The following MSH3 variants were observed in gnomAD, a reference collection of about 807,000 sequenced individuals.
MSH3 encodes the protein DNA mismatch repair protein Msh3.
A neutral mutation model predicts 123.3 loss-of-function variants in MSH3; 106 were observed. The ratio of observed to expected loss-of-function variants is 0.86; its 90% confidence interval spans 0.73 to 1.01. The LOEUF (loss-of-function observed/expected upper bound fraction) is 1.01, where lower values mean the gene tolerates loss of function less well. MSH3 is among the 50% of genes least tolerant of loss of function. The probability of loss-of-function intolerance (pLI) is 0.00; values close to 1 mark genes in which losing one functional copy is unlikely to be tolerated. For missense variants in MSH3, 1,459 were observed against 1,347.6 expected (o/e 1.08, Z -1.29); for synonymous variants, 515 against 481.4 (o/e 1.07, Z -0.91).
At chr5:80,751,811 A>T (rs1696938272) in intron 12 of MSH3, among the ~76,000 whole-genome samples, 1 of 152,172 alleles carries the variant, frequency 6.6e-6, no homozygotes. Flanking sequence ...TTAGGGGTAC[A>T]CAATTCAACC....
At chr5:80,668,131 C>G (rs1749612066) in intron 3 of MSH3, among the ~76,000 whole-genome samples, 1 of 152,100 alleles carries the variant, frequency 6.6e-6, no homozygotes, top group South Asian at 2.1e-4. Context: ...CGAGAGGGGA[C>G]CCTGGAGTGG....
At chr5:80,725,804 C>A (rs562343767) in intron 9 of MSH3, among the ~76,000 whole-genome samples, 1 of 152,116 alleles carries the variant, frequency 6.6e-6, no homozygotes, top group African/African-American at 2.4e-5. Context: ...GAGCTATTAT[C>A]ATGCCATTGC....
chr5:80,749,155 C>T (rs1743781067), intron 12 of MSH3, among the ~76,000 whole-genome samples: 1 of 152,104 alleles, frequency 6.6e-6, no homozygotes, highest in African/African-American at 2.4e-5. Flanking sequence ...CTTACATGAT[C>T]ACAAGGTGAA....
intron 20 of MSH3, among the ~76,000 whole-genome samples, chr5:80,846,174 G>T (rs1444791344): frequency 1.3e-5 from 2 of 152,132 alleles, no homozygotes; most frequent in East Asian, 1.9e-4. Flanking sequence ...CTGCAGGTCT[G>T]TTGGGGTTTG....
At chr5:80,864,660 TTATC>T (rs1423185190) in intron 21 of MSH3, among the ~76,000 whole-genome samples, 149 bp from the exon 22 acceptor site, 4 of 152,214 alleles carry the variant, frequency 2.6e-5, no homozygotes, top group African/African-American at 7.2e-5. Context: ...TAACAATTGA[TTATC>T]TAGGTAAACA....
intron 13 of MSH3, among the ~76,000 whole-genome samples, chr5:80,764,886 A>G (rs1052258330): frequency 2.0e-5 from 3 of 152,140 alleles, no homozygotes; most frequent in African/African-American, 7.2e-5. Flanking sequence ...GCTAAGCAGG[A>G]ATAAGCCCAC....
At chr5:80,779,611 C>G (rs191941277) in intron 17 of MSH3, among the ~76,000 whole-genome samples, 1 of 145,686 alleles carries the variant, frequency 6.9e-6, no homozygotes, top group African/African-American at 2.6e-5. Flanking sequence ...AGTGCAGTGG[C>G]GCAATCTTGG....
chr5:80,780,628 A>G (rs1744393492), intron 17 of MSH3, among the ~76,000 whole-genome samples: 1 of 152,198 alleles, frequency 6.6e-6, no homozygotes. Flanking sequence ...GCAGTTTGGG[A>G]GGCTGAGGTG....
At chr5:80,868,587 C>T (rs1009586145) in intron 22 of MSH3, among the ~76,000 whole-genome samples, 5 of 137,606 alleles carry the variant, frequency 3.6e-5, no homozygotes, top group African/African-American at 5.5e-5. Flanking sequence ...GGAGACATAG[C>T]GGGGAACAAC....
intron 20 of MSH3, among the ~76,000 whole-genome samples, chr5:80,816,625 A>AC (rs1430017145): frequency 5.9e-5 from 9 of 152,334 alleles, no homozygotes; most frequent in African/African-American, 2.2e-4. Context: ...GATCAGAGGA[A>AC]CCCAAAGAGC....
At chr5:80,728,025 T>C (rs1451377501) in intron 9 of MSH3, among the ~76,000 whole-genome samples, 1 of 152,152 alleles carries the variant, frequency 6.6e-6, no homozygotes, top group Admixed American at 6.5e-5. Context: ...GAATAGCAAG[T>C]AGTCTGTGTG....
At chr5:80,746,540 G>A (rs1349685611) in intron 12 of MSH3, 2 of 444,978 alleles carry the variant, frequency 4.5e-6, no homozygotes, top group East Asian at 1.3e-4. Flanking sequence ...AGTATTCCTT[G>A]ATCGACTTTC....
intron 9 of MSH3, among the ~76,000 whole-genome samples, chr5:80,728,282 T>C (rs1204958853): frequency 1.3e-5 from 2 of 152,246 alleles, no homozygotes; most frequent in African/African-American, 4.8e-5. Context: ...TGGAAAGCTG[T>C]TGCAGTGTTT....
At chr5:80,875,271 C>CTT (rs969898074) in intron 23 of MSH3, among the ~76,000 whole-genome samples, 5 of 151,952 alleles carry the variant, frequency 3.3e-5, no homozygotes. Flanking sequence ...CTCAGGTACT[C>CTT]TAGCTCCATA....
intron 8 of MSH3, among the ~76,000 whole-genome samples, chr5:80,725,073 G>A (rs571667481): frequency 4.6e-5 from 7 of 151,938 alleles, no homozygotes; most frequent in Admixed American, 1.3e-4. Flanking sequence ...AATTAGCTGG[G>A]CGTGATGGCG....
chr5:80,832,106 T>C (rs1386868928), intron 20 of MSH3, among the ~76,000 whole-genome samples: 8 of 143,440 alleles, frequency 5.6e-5, no homozygotes, highest in African/African-American at 2.2e-4. Context: ...CGAGACTCCT[T>C]CTCAAAAAAC....
rs1440624217 is a variant in MSH3, at chr5:80,775,759, G to A, written c.2318+1G>A. 6.3e-7 allele frequency: 1 copy of A among 1,575,620 alleles called. No homozygotes were observed. The highest frequency in any genetic ancestry group is 1.1e-5 in the South Asian group (1 of 90,212). Reference sequence around the variant, plus strand: ...CAACTGATTGGGTAAAGGTTGGAAGGTAGGTTTAAAATAAATTTTTTTCTT... The same window carrying A: ...CAACTGATTGGGTAAAGGTTGGAAGATAGGTTTAAAATAAATTTTTTTCTT... On this transcript the variant is annotated splice_donor_variant, in intron 16 of 23. Transcript: ENST00000265081. LOFTEE classifies it high-confidence loss of function.
intron 8 of MSH3, among the ~76,000 whole-genome samples, chr5:80,723,387 A>G (rs1449456890): frequency 6.6e-6 from 1 of 152,212 alleles, no homozygotes; most frequent in African/African-American, 2.4e-5. Context: ...AAGTAACATT[A>G]TAAATCATCA....
At position 80,681,065 on chromosome 5, in the gene MSH3, A is replaced by G. The variant is rs187702458; in HGVS notation, c.1340+1972A>G. Among the ~76,000 whole-genome samples the G allele has an allele frequency of 2.9e-3, 449 of 152,238 alleles. 3 individuals carry two copies. The highest frequency in any genetic ancestry group is 9.8e-3 in the African/African-American group (409 of 41,552). ...TTGCTAGAAATGGTAATATCAATTT[A>G]TACTTCTACCAGTATAGTCTAGGAG... On this transcript the variant is annotated intron_variant, in intron 8 of 23. Coordinates refer to ENST00000265081, the MANE Select transcript of MSH3 (RefSeq NM_002439.5).
Sources: allele counts gnomAD v4.1 joint callset (sites outside exome capture counted in the v4.1 genomes callset), GRCh38; gene constraint gnomAD v4.1.1; transcripts MANE v1.5; gene names NCBI Gene and HGNC (gene_info 2026-07-23, HGNC 2026-07-21).